Variants in CSNK2A1 observed in about 807,000 individuals in gnomAD.
CSNK2A1 encodes the protein casein kinase 2 alpha 1.
In CSNK2A1, 10 loss-of-function variants were observed where a neutral mutation model predicts 62.9. That is an observed-to-expected ratio of 0.16 (90% CI 0.10 to 0.27). CSNK2A1 has a LOEUF of 0.27. CSNK2A1 is among the 10% of genes least tolerant of loss of function. CSNK2A1 has a pLI of 1.00. For missense variants in CSNK2A1, 160 were observed against 492.0 expected (o/e 0.33, Z 6.38); for synonymous variants, 124 against 167.8 (o/e 0.74, Z 2.02).
At chr20:524,199 A>G (rs1269825505) in intron 2 of CSNK2A1, among the ~76,000 whole-genome samples, 3 of 151,820 alleles carry the variant, frequency 2.0e-5, no homozygotes, top group Non-Finnish European at 2.9e-5. Flanking sequence ...TGAGGTGGGC[A>G]GATCACCTGA....
chr20:508,762 T>C, intron 2 of CSNK2A1, 102 bp from the exon 3 acceptor site: 1 of 499,408 alleles, frequency 2.0e-6, no homozygotes, highest in South Asian at 3.0e-5. Context: ...TACCTCTGGC[T>C]CTCCTACCTA....
chr20:495,906 G>A, intron 7 of CSNK2A1, 104 bp from the exon 8 acceptor site: 1 of 866,484 alleles, frequency 1.2e-6, no homozygotes, highest in Non-Finnish European at 1.9e-6. Context: ...AATACCCCTG[G>A]GATTCAAGCT....
At chr20:495,133 G>A (rs530562083) in intron 8 of CSNK2A1, 9 of 152,850 alleles carry the variant, frequency 5.9e-5, no homozygotes, top group African/African-American at 1.9e-4. Flanking sequence ...GTGTCTAAAA[G>A]TAATTCAGTT....
At chr20:496,051 C>A (rs2018340888) in intron 7 of CSNK2A1, 1 of 421,954 alleles carries the variant, frequency 2.4e-6, no homozygotes, top group African/African-American at 2.0e-5. Context: ...CTAAAAGACC[C>A]AAAGTATACC....
intron 2 of CSNK2A1, among the ~76,000 whole-genome samples, chr20:519,449 C>CAGGCCTATA (rs2018899364): frequency 6.6e-6 from 1 of 152,156 alleles, no homozygotes; most frequent in African/African-American, 2.4e-5. Flanking sequence ...TGTAATGGCA[C>CAGGCCTATA]AGGCCTATAG....
chr20:526,367 T>C (rs550541946), intron 2 of CSNK2A1, among the ~76,000 whole-genome samples: 42 of 151,942 alleles, frequency 2.8e-4, no homozygotes, highest in Middle Eastern at 3.4e-3. Flanking sequence ...TCCCAATACT[T>C]AGGAAGGCTG....
intron 2 of CSNK2A1, among the ~76,000 whole-genome samples, chr20:514,058 A>G (rs2018779252): frequency 6.6e-6 from 1 of 152,154 alleles, no homozygotes; most frequent in Non-Finnish European, 1.5e-5. Flanking sequence ...AGGGATGGTG[A>G]TAAAAAGGGG....
chr20:511,947 T>C (rs2018730623), intron 2 of CSNK2A1, among the ~76,000 whole-genome samples: 1 of 152,206 alleles, frequency 6.6e-6, no homozygotes. Context: ...TTCAACAAGC[T>C]GGGCACGGTG....
At chr20:511,832 CTGTT>C (rs1422479731) in intron 2 of CSNK2A1, among the ~76,000 whole-genome samples, 1 of 152,152 alleles carries the variant, frequency 6.6e-6, no homozygotes, top group Admixed American at 6.6e-5. Flanking sequence ...GTACAAACAT[CTGTT>C]TGAGACCTCG....
chr20:487,900 C>A, intron 11 of CSNK2A1: 1 of 360,962 alleles, frequency 2.8e-6, no homozygotes, highest in Non-Finnish European at 5.1e-6. Context: ...TTCCCATCCC[C>A]ACACATATTC....
chr20:518,666 C>T (rs956760495), intron 2 of CSNK2A1, among the ~76,000 whole-genome samples: 5 of 151,702 alleles, frequency 3.3e-5, no homozygotes, highest in Non-Finnish European at 5.9e-5. Flanking sequence ...CCTGCCTCAG[C>T]CTCCCGAGTA....
chr20:489,955 T>A, intron 9 of CSNK2A1, 74 bp from the exon 10 acceptor site: 1 of 1,180,954 alleles, frequency 8.5e-7, no homozygotes, highest in Non-Finnish European at 1.1e-6. Flanking sequence ...AAATTAATTT[T>A]TAAAATTAAA....
intron 1 of CSNK2A1, among the ~76,000 whole-genome samples, chr20:531,333 C>T (rs1218521800): frequency 6.6e-6 from 1 of 152,066 alleles, no homozygotes; most frequent in African/African-American, 2.4e-5. Flanking sequence ...TAACAGACAC[C>T]CAATGGAGAT....
At position 477,742 on chromosome 20, in the gene CSNK2A1, AC is replaced by A. The variant is rs2017876248; in HGVS notation, c.*6218del. The A allele has an allele frequency of 6.6e-6, 1 of 152,286 alleles. No individual in the cohort carries two copies. Among genetic ancestry groups the A allele is most frequent in the African/African-American group, 2.4e-5 (1 of 41,410 alleles). The allele number at this position is 152,286 out of a possible 1,614,324, so 9.4% of individuals were successfully genotyped here. On this transcript the variant is annotated 3_prime_UTR_variant, in exon 14 of 14. Transcript: ENST00000217244. ...CGCAGTGGCTCACGCCTGTAATCCC[AC>A]CACTTTGGGAGGCTTGGGCGGGCGG...
intron 11 of CSNK2A1, 99 bp downstream of exon 11, chr20:488,579 T>C (rs1444941318): frequency 8.1e-7 from 1 of 1,229,892 alleles, no homozygotes; most frequent in African/African-American, 1.5e-5. Context: ...ATCCTGACAG[T>C]GCTGGCAAAG....
In CSNK2A1 at chr20:477,272, G is replaced by C. The variant is rs2017865130; in HGVS notation, c.*6689C>G. On this transcript the variant is annotated 3_prime_UTR_variant, in exon 14 of 14. Coordinates refer to ENST00000217244, the MANE Select transcript of CSNK2A1 (RefSeq NM_177559.3). ...TACTGTGGCACAATCACACCTCACT[G>C]CAGCCTTGACTTCTTGGGCTCAGGC... 1 of 152,284 alleles carries C rather than the reference G, an allele frequency of 6.6e-6. No individual in the cohort carries two copies. The highest frequency in any genetic ancestry group is 6.5e-5 in the Admixed American group (1 of 15,284). 9.4% of individuals were successfully genotyped at this position (152,284 alleles called of 1,614,324 possible).
At chr20:526,126 C>T (rs974817029) in intron 2 of CSNK2A1, among the ~76,000 whole-genome samples, 1 of 152,038 alleles carries the variant, frequency 6.6e-6, no homozygotes, top group Non-Finnish European at 1.5e-5. Context: ...ACGGGAAAAG[C>T]AGCAATCAAA....
chr20:493,614 T>C (rs1187045607), intron 8 of CSNK2A1, among the ~76,000 whole-genome samples: 2 of 152,182 alleles, frequency 1.3e-5, no homozygotes, highest in East Asian at 1.9e-4. Context: ...AAACTGACAC[T>C]GGCACAATTC....
Position 483,599 on chromosome 20 carries a change from G to C in CSNK2A1, c.*362C>G, listed in dbSNP as rs562466945. The C allele has an allele frequency of 6.4e-6, 1 of 156,098 alleles. No homozygotes were observed. The highest frequency in any genetic ancestry group is 2.1e-4 in the South Asian group (1 of 4,874). 9.7% of individuals were successfully genotyped at this position (156,098 alleles called of 1,614,324 possible). A position where few individuals can be genotyped will look rare whatever the true frequency, so the allele number is the denominator to read the frequency against. On this transcript the variant is annotated 3_prime_UTR_variant, in exon 14 of 14. Coordinates refer to ENST00000217244, the MANE Select transcript of CSNK2A1 (RefSeq NM_177559.3). ...CGGTGGAGGAACAATGGTGGGAATG[G>C]GAAGAAGTCTCCACCTAAATGCAGC...
Sources: allele counts gnomAD v4.1 joint callset (sites outside exome capture counted in the v4.1 genomes callset), GRCh38; gene constraint gnomAD v4.1.1; transcripts MANE v1.5; gene names NCBI Gene and HGNC (gene_info 2026-07-23, HGNC 2026-07-21).